The following SH3BP2 variants were observed in gnomAD, a reference collection of about 807,000 sequenced individuals.
SH3BP2 encodes SH3 domain-binding protein 2.
Under a neutral mutation model 56.2 loss-of-function variants are expected in SH3BP2, and 38 were observed. That is an observed-to-expected ratio of 0.68 (90% CI 0.52 to 0.89). SH3BP2 has a LOEUF of 0.89. Among genes scored for constraint, SH3BP2 ranks in the 40% least tolerant of loss-of-function variants. SH3BP2 has a pLI of 0.00. For synonymous variants in SH3BP2, 346 were observed against 316.7 expected, an observed-to-expected ratio of 1.09 and a Z score of -0.98; for missense variants, 748 against 762.6, an observed-to-expected ratio of 0.98 and a Z score of 0.23.
intron 1 of SH3BP2, among the ~76,000 whole-genome samples, chr4:2,799,633 A>G (rs402855): frequency 0.78 from 118,848 of 152,242 alleles, 47,308 homozygotes; most frequent in African/African-American, 0.93. Context: ...GGGGACAGCT[A>G]TTCCAGGGCT....
Position 2,831,647 on chromosome 4 carries a change from G to T in SH3BP2, c.1318G>T (p.Gly440Cys). Residue 440 changes from glycine to cysteine, a missense_variant, in exon 9 of 13, where the codon GGC (glycine) becomes TGC (cysteine). Coordinates refer to ENST00000503393, the MANE Select transcript of SH3BP2 (RefSeq NM_001122681.2). The surrounding 1 kb of genome is among the most constrained non-coding windows in gnomAD (Gnocchi z 4.1). Reference protein sequence around the residue: ...KPRQPSQADTGGDDSDEDYEK... With the variant: ...KPRQPSQADTCGDDSDEDYEK... ...CCGGCAACCCTCACAGGCTGACACTGGCGGGGACGACTCGGACGAGGACTA... is the reference window on the plus strand; with the variant it reads ...CCGGCAACCCTCACAGGCTGACACTTGCGGGGACGACTCGGACGAGGACTA... 6.3e-7 allele frequency: 1 copy of T among 1,595,822 alleles called. No individual in the cohort carries two copies. The highest frequency in any genetic ancestry group is 1.7e-5 in the Admixed American group (1 of 58,078).
At chr4:2,794,281 C>T (rs562261096) in intron 1 of SH3BP2, 7 of 152,332 alleles carry the variant, frequency 4.6e-5, no homozygotes, top group Non-Finnish European at 1.0e-4. Flanking sequence ...TGCACCAACT[C>T]CATGAGCCTG....
chr4:2,819,999 G>A (rs76132464), intron 1 of SH3BP2, among the ~76,000 whole-genome samples: 3,559 of 152,240 alleles, frequency 0.023, 85 homozygotes, highest in Admixed American at 0.05. Flanking sequence ...TGGGCTGGTG[G>A]GGTGGATAGC....
At chr4:2,823,543 GCCCTGGA>G in intron 3 of SH3BP2, 1 of 456,070 alleles carries the variant, frequency 2.2e-6, no homozygotes, top group Middle Eastern at 3.3e-4. Context: ...GCCATGAGCT[GCCCTGGA>G]GGGCCTTCTG....
At chr4:2,800,222 G>A (rs1401617072) in intron 1 of SH3BP2, among the ~76,000 whole-genome samples, 20 of 152,110 alleles carry the variant, frequency 1.3e-4, no homozygotes, top group Non-Finnish European at 4.4e-5. Flanking sequence ...GGCCCTGGTG[G>A]GACTGACTGT....
At position 2,831,577 on chromosome 4, in the gene SH3BP2, A is replaced by T. The variant is rs1577370148; in HGVS notation, c.1248A>T (p.Ser416=). The change falls in exon 9 of 13, where the codon TCA becomes TCT. Residue 416 remains serine, a synonymous_variant. Transcript: ENST00000503393. This position sits in a 1 kb window ranked among gnomAD's most constrained non-coding sequence, Gnocchi z 4.1. ...CCTCTCCCTGCCCCTCCAGGCGATC[A>T]CCCCCCGATGGGCAGAGTTTCAGGA... ...EKPQLPHLQR[S]PPDGQSFRSF... 1 of 1,582,518 alleles carries T rather than the reference A, an allele frequency of 6.3e-7. No individual in the cohort carries two copies. The highest frequency in any genetic ancestry group is 8.6e-7 in the Non-Finnish European group (1 of 1,163,648).
At chr4:2,811,363 C>T (rs1723743648) in intron 1 of SH3BP2, among the ~76,000 whole-genome samples, 1 of 152,226 alleles carries the variant, frequency 6.6e-6, no homozygotes, top group African/African-American at 2.4e-5. Context: ...GCTCTGTGGC[C>T]TCTGTCACCC....
chr4:2,832,867 GCCC>G, intron 11 of SH3BP2, 120 bp from the exon 12 acceptor site: 1 of 970,308 alleles, frequency 1.0e-6, no homozygotes, highest in Non-Finnish European at 1.6e-6. Context: ...GTCCCTCCCC[GCCC>G]CCCGAGGGCC....
chr4:2,805,107 C>T (rs1159085913), intron 1 of SH3BP2, among the ~76,000 whole-genome samples: 2 of 152,228 alleles, frequency 1.3e-5, no homozygotes, highest in African/African-American at 4.8e-5. Context: ...CCAGGCGTCC[C>T]ACGCATCCCA....
intron 1 of SH3BP2, chr4:2,818,416 GC>G: frequency 8.7e-7 from 1 of 1,150,746 alleles, no homozygotes. Flanking sequence ...CGGCCCCCGA[GC>G]CCCGGGACCC....
intron 1 of SH3BP2, among the ~76,000 whole-genome samples, chr4:2,797,777 C>T (rs1440812831): frequency 1.3e-5 from 2 of 152,174 alleles, no homozygotes; most frequent in African/African-American, 2.4e-5. Context: ...GTGGTGCCCA[C>T]GTGGGCCTGT....
chr4:2,829,932 A>G lies in SH3BP2; in HGVS notation c.1026A>G (p.Arg342=). Residue 342 remains arginine, a synonymous_variant, in exon 8 of 13, where the codon CGA becomes CGG. Coordinates refer to ENST00000503393, the MANE Select transcript of SH3BP2 (RefSeq NM_001122681.2). The surrounding 1 kb of genome is among the most constrained non-coding windows in gnomAD (Gnocchi z 4.9). ...DKLKSFHLSP[R]GPPTSEPPPV... ...TCAAGTCCTTCCACCTGTCCCCCCG[A>G]GGACCACCCACATCTGAGCCCCCAC... is the stretch of plus-strand genomic sequence containing the variant. 1.2e-6 allele frequency: 2 copies of G among 1,613,264 alleles called. No homozygotes were observed. The highest frequency in any genetic ancestry group is 1.7e-6 in the Non-Finnish European group (2 of 1,179,818).
intron 1 of SH3BP2, among the ~76,000 whole-genome samples, chr4:2,795,860 G>A (rs1411593902): frequency 6.6e-6 from 1 of 152,212 alleles, no homozygotes; most frequent in Non-Finnish European, 1.5e-5. Flanking sequence ...AGGATAGGCG[G>A]CTCCTCCCCA....
intron 1 of SH3BP2, chr4:2,799,204 G>A (rs1015991058): frequency 3.2e-5 from 32 of 985,390 alleles, no homozygotes; most frequent in South Asian, 1.4e-4. Context: ...GCTCCCAGGC[G>A]GGACCCTGGG....
intron 10 of SH3BP2, 40 bp from the exon 11 acceptor site, chr4:2,832,291 C>G (rs199754777): frequency 1.3e-5 from 20 of 1,538,972 alleles, no homozygotes; most frequent in African/African-American, 2.7e-5. Flanking sequence ...GAAAGCTGCC[C>G]GAGGAGGACT....
chr4:2,805,959 C>A (rs1723516441), intron 1 of SH3BP2, among the ~76,000 whole-genome samples: 1 of 152,182 alleles, frequency 6.6e-6, no homozygotes, highest in Non-Finnish European at 1.5e-5. Flanking sequence ...GGAGGCCAGG[C>A]CCGCAGGCAG....
At chr4:2,818,424 A>G in intron 1 of SH3BP2, 1 of 1,118,688 alleles carries the variant, frequency 8.9e-7, no homozygotes, top group Non-Finnish European at 1.1e-6. Context: ...GAGCCCCGGG[A>G]CCCGGGCCGC....
At chr4:2,799,284 T>A (rs1723164058) in intron 1 of SH3BP2, 1 of 985,446 alleles carries the variant, frequency 1.0e-6, no homozygotes, top group African/African-American at 1.7e-5. Flanking sequence ...CTTCAGACCC[T>A]GGGCTGCAGC....
At chr4:2,820,921 C>G (rs113477020) in intron 2 of SH3BP2, among the ~76,000 whole-genome samples, 168 bp downstream of exon 2, 1 of 152,152 alleles carries the variant, frequency 6.6e-6, no homozygotes, top group Non-Finnish European at 1.5e-5. Flanking sequence ...GGTTGACTTC[C>G]CTAGCCCCCA....
Sources: gnomAD v4.1 joint callset for allele counts (sites outside exome capture counted in the v4.1 genomes callset) on GRCh38, gnomAD v4.1.1 for gene constraint, Gnocchi (gnomAD v3.1) non-coding constraint, MANE v1.5 for transcripts, NCBI Gene and HGNC (gene_info 2026-07-23, HGNC 2026-07-21) for gene names.